The following ADAM10 variants were observed in gnomAD, a reference collection of about 807,000 sequenced individuals.
ADAM10 encodes the protein disintegrin and metalloproteinase domain-containing protein 10.
A neutral mutation model predicts 90.1 loss-of-function variants in ADAM10; 17 were observed. The observed-to-expected ratio is 0.19, with a 90% CI of 0.13 to 0.28. ADAM10 has a LOEUF of 0.28. Ranked by LOEUF, ADAM10 falls within the 10% of genes least tolerant of loss-of-function variation. The pLI, the probability that ADAM10 is intolerant of heterozygous loss-of-function variation, is 1.00. For missense variants in ADAM10, 610 were observed against 914.3 expected, an observed-to-expected ratio of 0.67 and a Z score of 4.29; for synonymous variants, 310 against 298.6, an observed-to-expected ratio of 1.04 and a Z score of -0.40.
At chr15:58,667,328 A>C (rs1206075159) in intron 4 of ADAM10, among the ~76,000 whole-genome samples, 1 of 152,104 alleles carries the variant, frequency 6.6e-6, no homozygotes, top group Non-Finnish European at 1.5e-5. Flanking sequence ...ACTCTCAATC[A>C]TCCACTCTTT....
At chr15:58,719,383 C>A (rs570291570) in intron 1 of ADAM10, among the ~76,000 whole-genome samples, 28 of 151,702 alleles carry the variant, frequency 1.8e-4, no homozygotes, top group African/African-American at 6.5e-4. Flanking sequence ...TCCTTTCATG[C>A]AGGAAAGTAA....
chr15:58,691,773 C>T, intron 2 of ADAM10: 1 of 348,078 alleles, frequency 2.9e-6, no homozygotes, highest in South Asian at 2.2e-5. Context: ...ACTTCCGCCT[C>T]CCAGGTTCAA....
chr15:58,734,159 G>A (rs964150876), intron 1 of ADAM10, among the ~76,000 whole-genome samples: 5 of 152,016 alleles, frequency 3.3e-5, no homozygotes, highest in Admixed American at 6.6e-5. Context: ...ACAATATCCT[G>A]ATTACATCAA....
rs796387225 is a variant in ADAM10 at position 58,679,423 on chromosome 15, A to G, written c.326-141T>C. 83 of 772,268 alleles carry G rather than the reference A, an allele frequency of 1.1e-4. No homozygotes were observed. In the African/African-American group the frequency reaches 1.2e-3, roughly 11 times the overall value. The allele number at this position is 772,268 out of a possible 1,614,324, so 47.8% of individuals were successfully genotyped here. A position where few individuals can be genotyped will look rare whatever the true frequency, so the allele number is the denominator to read the frequency against. ...ATATATATGGTTAAATCTTGAATATAAATTTACTATGGAAATTTTCACATA... is the reference window on the plus strand; with the variant it reads ...ATATATATGGTTAAATCTTGAATATGAATTTACTATGGAAATTTTCACATA... On this transcript the variant is annotated intron_variant, in intron 3 of 15. Coordinates refer to ENST00000260408, the MANE Select transcript of ADAM10 (RefSeq NM_001110.4).
chr15:58,641,240 C>A (rs1416151985), intron 7 of ADAM10, among the ~76,000 whole-genome samples: 1 of 152,134 alleles, frequency 6.6e-6, no homozygotes, highest in Non-Finnish European at 1.5e-5. Context: ...ACACTGAACA[C>A]TTGGGAAGAA....
At chr15:58,648,162 T>C (rs1056107201) in intron 5 of ADAM10, among the ~76,000 whole-genome samples, 3 of 152,218 alleles carry the variant, frequency 2.0e-5, no homozygotes, top group Non-Finnish European at 2.9e-5. Context: ...TCCCATAACA[T>C]CATGTAATAT....
chr15:58,614,891 G>A (rs945533331), intron 11 of ADAM10, among the ~76,000 whole-genome samples: 9 of 152,008 alleles, frequency 5.9e-5, no homozygotes, highest in African/African-American at 1.2e-4. Flanking sequence ...AGAAAAAGAA[G>A]AGTCAAATGT....
rs191805750 is a variant in ADAM10, at chr15:58,681,543, A to C, written c.325+653T>G. Reference sequence around the variant, plus strand: ...TGAGTACTTACTAATGTACAGTTATAAAACAATGACATTTTGCCTCTCTCC... The same window carrying C: ...TGAGTACTTACTAATGTACAGTTATCAAACAATGACATTTTGCCTCTCTCC... On this transcript the variant is annotated intron_variant, in intron 3 of 15. Coordinates refer to ENST00000260408, the MANE Select transcript of ADAM10 (RefSeq NM_001110.4). 8.1e-4 allele frequency among the ~76,000 whole-genome samples: 124 copies of C among 152,344 alleles called. 1 individual carries two copies. Among genetic ancestry groups the C allele is most frequent in the South Asian group, 3.5e-3 (17 of 4,830 alleles).
At chr15:58,652,430 T>A (rs758157965) in intron 5 of ADAM10, among the ~76,000 whole-genome samples, 1 of 152,218 alleles carries the variant, frequency 6.6e-6, no homozygotes, top group Non-Finnish European at 1.5e-5. Flanking sequence ...CGGTGAGAAA[T>A]AGAGGTCTAG....
intron 2 of ADAM10, among the ~76,000 whole-genome samples, chr15:58,702,206 A>T (rs560716764): frequency 6.6e-6 from 1 of 152,300 alleles, no homozygotes; most frequent in African/African-American, 2.4e-5. Context: ...AAAAAGACAA[A>T]CATCCCATGT....
At chr15:58,621,412 C>T in intron 11 of ADAM10, 59 bp downstream of exon 11, 1 of 1,596,982 alleles carries the variant, frequency 6.3e-7, no homozygotes, top group South Asian at 1.1e-5. Flanking sequence ...TTAAATTTGT[C>T]ATAACTGCAT....
At chr15:58,722,726 CTTTTTTTTTTT>C (rs71116592) in intron 1 of ADAM10, among the ~76,000 whole-genome samples, 2 of 104,002 alleles carry the variant, frequency 1.9e-5, no homozygotes, top group African/African-American at 7.5e-5. Context: ...AATTTGAGAA[CTTTTTTTTTTT>C]TTTTTTTTTT....
intron 15 of ADAM10, among the ~76,000 whole-genome samples, chr15:58,598,168 T>C (rs1442845338): frequency 6.6e-6 from 1 of 152,218 alleles, no homozygotes; most frequent in African/African-American, 2.4e-5. Flanking sequence ...GTTGTAAAGA[T>C]TATATAATTC....
Position 58,611,879 on chromosome 15 carries a change from G to C in ADAM10, c.1624C>G (p.Leu542Val). The change falls in exon 12 of 16, where the codon CTC becomes GTC. Residue 542 changes from leucine (L) to valine (V), a missense_variant. Around this residue, in one of 4 missense-constraint regions of ADAM10, gnomAD observed 150 missense variants for 268.5 expected, o/e 0.56. Coordinates refer to ENST00000260408, the MANE Select transcript of ADAM10 (RefSeq NM_001110.4). Reference sequence around the variant, plus strand: ...GGTTTAGGGTCAGATGCTGGGCAGAGAGCTGTGAAGCCATTACATATTCCT... The same window carrying C: ...GGTTTAGGGTCAGATGCTGGGCAGACAGCTGTGAAGCCATTACATATTCCT... ...REGICNGFTA[L>V]CPASDPKPNF... 2 of 1,614,204 alleles carry C rather than the reference G, an allele frequency of 1.2e-6. No individual in the cohort carries two copies. The highest frequency in any genetic ancestry group is 1.7e-6 in the Non-Finnish European group (2 of 1,180,032).
chr15:58,614,944 A>G (rs564761224), intron 11 of ADAM10, among the ~76,000 whole-genome samples: 8 of 152,226 alleles, frequency 5.3e-5, no homozygotes, highest in Non-Finnish European at 8.8e-5. Flanking sequence ...TAAATGAGAG[A>G]AAAAAAGAAA....
chr15:58,682,966 G>A (rs1192516746), intron 2 of ADAM10, among the ~76,000 whole-genome samples: 3 of 151,992 alleles, frequency 2.0e-5, no homozygotes, highest in African/African-American at 7.3e-5. Context: ...TTAAAGATAT[G>A]ACAAAAATCT....
chr15:58,603,206 G>T lies in ADAM10; in HGVS notation c.2026-3482C>A, dbSNP rs192698896. On this transcript the variant is annotated intron_variant, in intron 14 of 15. Coordinates refer to ENST00000260408, the MANE Select transcript of ADAM10 (RefSeq NM_001110.4). ...TCCTTTATTATATAGGTATTCCATA[G>T]ACTCCTATTGTTTTTTGTTTTTATT... Among the ~76,000 whole-genome samples, 334 of 152,168 alleles carry T rather than the reference G, an allele frequency of 2.2e-3. 1 individual carries two copies. The highest frequency in any genetic ancestry group is 0.021 in the South Asian group (100 of 4,814).
At chr15:58,704,835 C>T (rs1457367101) in intron 2 of ADAM10, among the ~76,000 whole-genome samples, 2 of 152,112 alleles carry the variant, frequency 1.3e-5, no homozygotes, top group South Asian at 2.1e-4. Context: ...GACTCAAGGT[C>T]GTAAGACTAA....
chr15:58,591,590 C>T lies in ADAM10; in HGVS notation c.*5957G>A, dbSNP rs1169721677. 6.6e-6 allele frequency: 1 copy of T among 152,044 alleles called. No individual in the cohort carries two copies. Among genetic ancestry groups the T allele is most frequent in the Non-Finnish European group, 1.5e-5 (1 of 68,000 alleles). The allele number at this position is 152,044 out of a possible 1,614,324, so 9.4% of individuals were successfully genotyped here. A position where few individuals can be genotyped will look rare whatever the true frequency, so the allele number is the denominator to read the frequency against. On this transcript the variant is annotated 3_prime_UTR_variant, in exon 16 of 16. Transcript: ENST00000260408. ...ATTTTAAAACTTCTATGAAAAATTT[C>T]AAATATAAACACAGGTAGAGAAAAT...
Sources: gnomAD v4.1 joint callset for allele counts (sites outside exome capture counted in the v4.1 genomes callset) on GRCh38, gnomAD v4.1.1 for gene constraint, gnomAD v4.1.1 regional missense constraint, MANE v1.5 for transcripts, NCBI Gene and HGNC (gene_info 2026-07-23, HGNC 2026-07-21) for gene names.